ELOVL6: variants seen among roughly 807,000 people sequenced by gnomAD.
ELOVL6 encodes ELOVL fatty acid elongase 6.
A neutral mutation model predicts 31.7 loss-of-function variants in ELOVL6; 8 were observed. That is an observed-to-expected ratio of 0.25 (90% CI 0.15 to 0.45). The LOEUF is 0.45. ELOVL6 is among the 20% of genes least tolerant of loss of function. ELOVL6 has a pLI of 1.00. For synonymous variants in ELOVL6, 101 were observed against 117.7 expected (o/e 0.86, Z 0.92); for missense variants, 126 against 326.4 (o/e 0.39, Z 4.73).
intron 1 of ELOVL6, among the ~76,000 whole-genome samples, chr4:110,131,693 T>C (rs892724279): frequency 1.3e-5 from 2 of 152,116 alleles, no homozygotes; most frequent in African/African-American, 4.8e-5. Context: ...AGGGCCCAAG[T>C]ATGAATATTA....
chr4:110,176,307 C>T (rs1435858296), intron 1 of ELOVL6, among the ~76,000 whole-genome samples: 2 of 152,042 alleles, frequency 1.3e-5, no homozygotes, highest in Admixed American at 6.6e-5. Flanking sequence ...GGACTACAGG[C>T]ACATACCATC....
chr4:110,176,584 C>T (rs1051107876), intron 1 of ELOVL6, among the ~76,000 whole-genome samples: 4 of 152,172 alleles, frequency 2.6e-5, no homozygotes, highest in East Asian at 3.8e-4. Flanking sequence ...TTTGTGCTAG[C>T]GTGGTCAAAG....
intron 1 of ELOVL6, among the ~76,000 whole-genome samples, chr4:110,106,540 G>A (rs538888076): frequency 1.3e-5 from 2 of 152,150 alleles, no homozygotes; most frequent in African/African-American, 2.4e-5. Context: ...AACTGTCATG[G>A]TGTTGGTGGG....
At chr4:110,117,929 C>CCT (rs1553958784) in intron 1 of ELOVL6, 2 of 18,670 alleles carry the variant, frequency 1.1e-4, no homozygotes, top group African/African-American at 2.8e-4. Context: ...TATATATCTC[C>CCT]CCAGAGAGGA....
chr4:110,118,602 T>G (rs1757254574), intron 1 of ELOVL6, among the ~76,000 whole-genome samples: 1 of 152,206 alleles, frequency 6.6e-6, no homozygotes, highest in Non-Finnish European at 1.5e-5. Flanking sequence ...TAATGCGAAA[T>G]AAAATTCCAT....
Position 110,084,044 on chromosome 4 carries a change from A to ATATG in ELOVL6, c.221+21452_221+21453insCATA, listed in dbSNP as rs1560813693. 3.4e-3 allele frequency among the ~76,000 whole-genome samples: 113 copies of ATATG among 33,302 alleles called. 10 individuals carry two copies. The highest frequency in any genetic ancestry group is 7.0e-3 in the African/African-American group (110 of 15,740). The allele number at this position is 33,302 out of a possible 152,430, so 21.8% of individuals were successfully genotyped here. A position where few individuals can be genotyped will look rare whatever the true frequency, so the allele number is the denominator to read the frequency against. ...ACATATGCCATATATGGTATATAAC[A>ATATG]CATGCTATATATGATATATAACATA... On this transcript the variant is annotated intron_variant, in intron 2 of 3. Coordinates refer to ENST00000302274, the MANE Select transcript of ELOVL6 (RefSeq NM_024090.3).
At chr4:110,097,079 G>A (rs1756599854) in intron 2 of ELOVL6, among the ~76,000 whole-genome samples, 1 of 152,008 alleles carries the variant, frequency 6.6e-6, no homozygotes, top group South Asian at 2.1e-4. Flanking sequence ...AGGCCGAGGT[G>A]GATGGATCAC....
intron 2 of ELOVL6, among the ~76,000 whole-genome samples, chr4:110,097,014 A>C (rs1756597241): frequency 6.6e-6 from 1 of 152,038 alleles, no homozygotes; most frequent in South Asian, 2.1e-4. Context: ...TACAACTCAA[A>C]ATGCTTAACA....
chr4:110,081,447 C>A (rs1269115879), intron 2 of ELOVL6, among the ~76,000 whole-genome samples: 1 of 152,114 alleles, frequency 6.6e-6, no homozygotes, highest in East Asian at 1.9e-4. Flanking sequence ...CACATATCTA[C>A]AACCATCTGA....
At chr4:110,065,814 G>T (rs1023917423) in intron 2 of ELOVL6, among the ~76,000 whole-genome samples, 3 of 152,160 alleles carry the variant, frequency 2.0e-5, no homozygotes, top group Admixed American at 6.5e-5. Flanking sequence ...GGGAAAAAGA[G>T]CCTTGGGTAT....
intron 1 of ELOVL6, chr4:110,147,144 T>C: frequency 6.0e-6 from 1 of 165,804 alleles, no homozygotes; most frequent in South Asian, 1.6e-4. Flanking sequence ...AGAAGATCCT[T>C]ACTGAAAAGG....
At chr4:110,124,868 G>A (rs1757451899) in intron 1 of ELOVL6, among the ~76,000 whole-genome samples, 11 of 151,998 alleles carry the variant, frequency 7.2e-5, no homozygotes, top group Admixed American at 6.6e-4. Context: ...TGCTTCACTG[G>A]CCAACTGTTT....
At position 110,051,816 on chromosome 4, in the gene ELOVL6, G is replaced by A. The variant is rs1204681668; in HGVS notation, c.374-54C>T. 2.0e-6 allele frequency: 3 copies of A among 1,484,922 alleles called. No homozygotes were observed. Among genetic ancestry groups the A allele is most frequent in the Non-Finnish European group, 2.8e-6 (3 of 1,085,012 alleles). The allele number at this position is 1,484,922 out of a possible 1,614,324, so 92.0% of individuals were successfully genotyped here. The stretch of plus-strand genomic sequence containing the variant: ...GAGATCCTTGACCACCAGTAACGAT[G>A]ACTTACAGTTTTGTAAGAGGGTAGA... On this transcript the variant is annotated intron_variant, in intron 3 of 3. Transcript: ENST00000302274. This position sits in a 1 kb window ranked among gnomAD's most constrained non-coding sequence, Gnocchi z 4.8.
At chr4:110,120,002 CAG>C (rs1462708119) in intron 1 of ELOVL6, among the ~76,000 whole-genome samples, 2 of 152,172 alleles carry the variant, frequency 1.3e-5, no homozygotes, top group African/African-American at 4.8e-5. Flanking sequence ...TCCTTTTCTT[CAG>C]AGTTTCAAAA....
At position 110,047,465 on chromosome 4, in the gene ELOVL6, C is replaced by T. The variant is rs527451970; in HGVS notation, c.*3873G>A. 19 of 152,336 alleles carry T rather than the reference C, an allele frequency of 1.2e-4. No homozygotes were observed. Among genetic ancestry groups the T allele is most frequent in the Admixed American group, 1.1e-3 (17 of 15,288 alleles). 9.4% of individuals were successfully genotyped at this position (152,336 alleles called of 1,614,324 possible). A position where few individuals can be genotyped will look rare whatever the true frequency, so the allele number is the denominator to read the frequency against. On this transcript the variant is annotated 3_prime_UTR_variant, in exon 4 of 4. Transcript: ENST00000302274. ...ATAGTAACCTGAGCATCTTGTCTCTCCCAGGTAATTCAGAAGCTGGGGCTA... is the reference window on the plus strand; with the variant it reads ...ATAGTAACCTGAGCATCTTGTCTCTTCCAGGTAATTCAGAAGCTGGGGCTA...
chr4:110,076,129 C>T (rs899677705), intron 2 of ELOVL6, among the ~76,000 whole-genome samples: 1 of 152,212 alleles, frequency 6.6e-6, no homozygotes, highest in Non-Finnish European at 1.5e-5. Context: ...TCACAGCTAG[C>T]ATCCTGACAG....
intron 1 of ELOVL6, among the ~76,000 whole-genome samples, chr4:110,159,084 T>C (rs41320946): frequency 0.044 from 6,722 of 152,298 alleles, 214 homozygotes; most frequent in South Asian, 0.11. Flanking sequence ...ACATTGTGAT[T>C]TGCATAGATT....
intron 1 of ELOVL6, among the ~76,000 whole-genome samples, chr4:110,164,756 GA>G (rs74185134): frequency 0.071 from 8,935 of 125,408 alleles, 418 homozygotes; most frequent in South Asian, 0.14. Context: ...AAAAAAAAAA[GA>G]AAAAAAAAAA....
intron 2 of ELOVL6, among the ~76,000 whole-genome samples, chr4:110,104,454 A>G (rs1179574300): frequency 2.0e-5 from 3 of 152,200 alleles, no homozygotes; most frequent in Admixed American, 2.0e-4. Context: ...GGGATCCAAC[A>G]TTATGGAAAA....
Sources: gnomAD v4.1 joint callset for allele counts (sites outside exome capture counted in the v4.1 genomes callset) on GRCh38, gnomAD v4.1.1 for gene constraint, Gnocchi (gnomAD v3.1) non-coding constraint, MANE v1.5 for transcripts, NCBI Gene and HGNC (gene_info 2026-07-23, HGNC 2026-07-21) for gene names.